The following TMEM65 variants were observed in gnomAD, a reference collection of about 807,000 sequenced individuals.
The protein encoded by TMEM65 is transmembrane protein 65.
A neutral mutation model predicts 25.4 loss-of-function variants in TMEM65; 22 were observed. The observed-to-expected ratio is 0.86, with a 90% CI of 0.62 to 1.23. TMEM65 has a LOEUF of 1.23. Among genes scored for constraint, TMEM65 ranks in the 50% most tolerant of loss-of-function variants. The probability of loss-of-function intolerance (pLI) is 0.00; values close to 1 mark genes in which losing one functional copy is unlikely to be tolerated. For missense variants in TMEM65, 262 were observed against 308.2 expected, an observed-to-expected ratio of 0.85 and a Z score of 1.12; for synonymous variants, 132 against 126.2, an observed-to-expected ratio of 1.05 and a Z score of -0.31.
At chr8:124,325,361 A>C (rs1814355487) in intron 3 of TMEM65, among the ~76,000 whole-genome samples, 1 of 152,006 alleles carries the variant, frequency 6.6e-6, no homozygotes, top group Non-Finnish European at 1.5e-5. Flanking sequence ...CTACAGTTAC[A>C]TTATTTATAT....
intron 1 of TMEM65, among the ~76,000 whole-genome samples, chr8:124,339,222 A>AATATATATATATAT: frequency 1.5e-3 from 30 of 19,892 alleles, no homozygotes; most frequent in African/African-American, 4.0e-3. Context: ...AAAAAAAAAA[A>AATATATATATATAT]ATATATATAT....
rs1250541978 is a variant in TMEM65 at position 124,312,856 on chromosome 8, C to T, written c.*1104G>A. On this transcript the variant is annotated 3_prime_UTR_variant, in exon 7 of 7. Coordinates refer to ENST00000297632, the MANE Select transcript of TMEM65 (RefSeq NM_194291.3). ...AGCAAAATATTAAATATCTAGTTTT[C>T]ACTTCAACAGAAATTATTCATAAAT... 1 of 151,584 alleles carries T rather than the reference C, an allele frequency of 6.6e-6. No homozygotes were observed. The allele number at this position is 151,584 out of a possible 1,614,324, so 9.4% of individuals were successfully genotyped here.
At chr8:124,369,370 T>C (rs1170065056) in intron 1 of TMEM65, among the ~76,000 whole-genome samples, 1 of 152,236 alleles carries the variant, frequency 6.6e-6, no homozygotes, top group Non-Finnish European at 1.5e-5. Context: ...AGGGCAAATG[T>C]GCCAAATTTC....
At chr8:124,327,075 G>A (rs1173590692) in intron 3 of TMEM65, among the ~76,000 whole-genome samples, 4 of 152,012 alleles carry the variant, frequency 2.6e-5, no homozygotes, top group African/African-American at 9.6e-5. Flanking sequence ...TCTTTATTAA[G>A]AATGTTGAAA....
At chr8:124,319,973 G>T in intron 6 of TMEM65, 113 bp downstream of exon 6, 1 of 712,080 alleles carries the variant, frequency 1.4e-6, no homozygotes, top group Non-Finnish European at 2.3e-6. Context: ...GACAATTTTT[G>T]TTAAAAACTC....
At chr8:124,323,543 A>G (rs1814332174) in intron 3 of TMEM65, among the ~76,000 whole-genome samples, 168 bp from the exon 4 acceptor site, 1 of 152,160 alleles carries the variant, frequency 6.6e-6, no homozygotes, top group South Asian at 2.1e-4. Flanking sequence ...ATTATTAAAT[A>G]TATGCATTCA....
At chr8:124,353,042 G>A (rs1015000338) in intron 1 of TMEM65, among the ~76,000 whole-genome samples, 1 of 152,070 alleles carries the variant, frequency 6.6e-6, no homozygotes, top group Non-Finnish European at 1.5e-5. Flanking sequence ...CAGGAAAGTT[G>A]CTTGAACCCA....
rs747942258 is a variant in TMEM65 at position 124,320,159 on chromosome 8, C to T, written c.548G>A (p.Arg183Lys). The T allele has an allele frequency of 2.0e-5, 32 of 1,613,154 alleles. No individual in the cohort carries two copies. The Admixed American group carries it at 5.2e-4, about 26-fold the overall frequency. ...GAGATCAGGAATTGACAGGCCTAAC[C>T]TGGAAGCCAATGCTTCAACGTAGCC... Reference protein sequence around the residue: ...LAGYVEALASRLGLSIPDLTP... With the variant: ...LAGYVEALASKLGLSIPDLTP... The change falls in exon 6 of 7, where the codon AGG (arginine) becomes AAG (lysine). Residue 183 changes from arginine (R) to lysine (K), a missense_variant. Arg to Lys is a conservative substitution (Grantham distance 26). Transcript: ENST00000297632.
chr8:124,308,725 T>C lies in TMEM65; in HGVS notation c.*5235A>G, dbSNP rs1438628364. 1 of 152,196 alleles carries C rather than the reference T, an allele frequency of 6.6e-6. No individual in the cohort carries two copies. The highest frequency in any genetic ancestry group is 1.5e-5 in the Non-Finnish European group (1 of 68,050). The allele number at this position is 152,196 out of a possible 1,614,324, so 9.4% of individuals were successfully genotyped here. A position where few individuals can be genotyped will look rare whatever the true frequency, so the allele number is the denominator to read the frequency against. ...GCCACAGAATGAGGAGGAAGACATT[T>C]AGAAGCAGTGCCAGAAAACAAATCA... is the stretch of plus-strand genomic sequence containing the variant. On this transcript the variant is annotated 3_prime_UTR_variant, in exon 7 of 7. Transcript: ENST00000297632.
chr8:124,351,203 G>T lies in TMEM65; in HGVS notation c.305-20411C>A, dbSNP rs945008019. On this transcript the variant is annotated intron_variant, in intron 1 of 6. Coordinates refer to ENST00000297632, the MANE Select transcript of TMEM65 (RefSeq NM_194291.3). ...AACTTTAAAATATATATAAAACTTA[G>T]AAGTGCCACATGCTAGTATACAGGC... The T allele has an allele frequency of 6.5e-6, 5 of 774,460 alleles. No homozygotes were observed. In the African/African-American group the frequency reaches 9.4e-5, roughly 15 times the overall value. 48.0% of individuals were successfully genotyped at this position (774,460 alleles called of 1,614,324 possible). A position where few individuals can be genotyped will look rare whatever the true frequency, so the allele number is the denominator to read the frequency against.
chr8:124,363,180 A>C (rs1814893602), intron 1 of TMEM65, among the ~76,000 whole-genome samples: 1 of 152,230 alleles, frequency 6.6e-6, no homozygotes, highest in Middle Eastern at 3.2e-3. Flanking sequence ...GGGTCCTTGC[A>C]GCATCCAAGA....
Position 124,372,098 on chromosome 8 carries a change from C to T in TMEM65, c.60G>A (p.Pro20=). ...GCGGGCGGGGCGCGGCGGCGGCGGC[C>T]GGGCCCGGCCTCAGGCTGCGCGCGG... The part of the protein sequence containing the change: ...SRTARSLRPG[P]AAAAAPRPPS... Residue 20 remains proline (P), a synonymous_variant, in exon 1 of 7, where the codon CCG becomes CCA. Transcript: ENST00000297632. The T allele has an allele frequency of 9.1e-7, 1 of 1,099,808 alleles. No homozygotes were observed. Among genetic ancestry groups the T allele is most frequent in the Non-Finnish European group, 1.1e-6 (1 of 905,592 alleles). The allele number at this position is 1,099,808 out of a possible 1,614,324, so 68.1% of individuals were successfully genotyped here.
At chr8:124,316,946 A>C (rs1814244740) in intron 6 of TMEM65, among the ~76,000 whole-genome samples, 1 of 152,180 alleles carries the variant, frequency 6.6e-6, no homozygotes, top group Admixed American at 6.5e-5. Flanking sequence ...TACAACAAGC[A>C]AATAGGTCCT....
chr8:124,355,268 G>T (rs1169195235), intron 1 of TMEM65, among the ~76,000 whole-genome samples: 4 of 151,564 alleles, frequency 2.6e-5, no homozygotes, highest in African/African-American at 9.7e-5. Context: ...ATTCTAGGAC[G>T]TTTTTTAAAC....
At chr8:124,354,790 C>A (rs1814758388) in intron 1 of TMEM65, among the ~76,000 whole-genome samples, 1 of 152,164 alleles carries the variant, frequency 6.6e-6, no homozygotes, top group African/African-American at 2.4e-5. Flanking sequence ...ACTACTCAAT[C>A]AACTACTTGC....
chr8:124,369,550 T>G (rs1295431083), intron 1 of TMEM65, among the ~76,000 whole-genome samples: 1 of 152,186 alleles, frequency 6.6e-6, no homozygotes, highest in Non-Finnish European at 1.5e-5. Context: ...TGTTAGAAAG[T>G]ACACTTAGTA....
intron 1 of TMEM65, among the ~76,000 whole-genome samples, chr8:124,335,628 T>C (rs1814496655): frequency 6.6e-6 from 1 of 152,084 alleles, no homozygotes; most frequent in African/African-American, 2.4e-5. Context: ...AACATTTCTA[T>C]GATGAAAATA....
intron 1 of TMEM65, among the ~76,000 whole-genome samples, chr8:124,353,531 C>T (rs1322353987): frequency 6.6e-6 from 1 of 151,884 alleles, no homozygotes; most frequent in Non-Finnish European, 1.5e-5. Context: ...CTTAGGGCAA[C>T]ATCCTAATAG....
chr8:124,318,148 GT>G (rs1447581347), intron 6 of TMEM65, among the ~76,000 whole-genome samples: 1 of 151,982 alleles, frequency 6.6e-6, no homozygotes, highest in African/African-American at 2.4e-5. Flanking sequence ...CAAGCCAGAG[GT>G]TAGGTCCCTC....
Sources: allele counts gnomAD v4.1 joint callset (sites outside exome capture counted in the v4.1 genomes callset), GRCh38; gene constraint gnomAD v4.1.1; transcripts MANE v1.5; gene names NCBI Gene and HGNC (gene_info 2026-07-23, HGNC 2026-07-21).